The following FLYWCH1 variants were observed in gnomAD, a reference collection of about 807,000 sequenced individuals.
The protein encoded by FLYWCH1 is FLYWCH-type zinc finger-containing protein 1.
A neutral mutation model predicts 66.4 loss-of-function variants in FLYWCH1; 75 were observed. The observed-to-expected ratio is 1.13, with a 90% CI of 0.94 to 1.37. The LOEUF is 1.37. Among genes scored for constraint, FLYWCH1 ranks in the 40% most tolerant of loss-of-function variants. The pLI is 0.00. For missense variants in FLYWCH1, 1,334 were observed against 1,001.8 expected (o/e 1.33, Z -4.48); for synonymous variants, 595 against 429.9 (o/e 1.38, Z -4.75).
At chr16:2,931,901 C>G (rs2070773145) in intron 4 of FLYWCH1, among the ~76,000 whole-genome samples, 1 of 152,058 alleles carries the variant, frequency 6.6e-6, no homozygotes, top group African/African-American at 2.4e-5. Flanking sequence ...ATCACGAGGT[C>G]AGGAGATTGA....
intron 2 of FLYWCH1, among the ~76,000 whole-genome samples, chr16:2,927,641 T>C (rs780272258): frequency 5.9e-5 from 9 of 152,170 alleles, no homozygotes; most frequent in Non-Finnish European, 1.0e-4. Flanking sequence ...GTGGCCAAAT[T>C]GGTCGTCTAA....
Position 2,938,204 on chromosome 16 carries a change from T to G in FLYWCH1, c.1798T>G (p.Phe600Val), listed in dbSNP as rs767529401. ...DSPDPLRPLE[F>V]LRTSLGGRFL... is the part of the protein sequence containing the mutation. The stretch of plus-strand genomic sequence containing the variant: ...TTCAGATCCTCTCCGGCCCCTGGAG[T>G]TCCTGAGGACTTCCCTGGGGGGCAG... Residue 600 changes from phenylalanine to valine, a missense_variant, in exon 8 of 10, where the codon TTC becomes GTC. Transcript: ENST00000253928. The G allele has an allele frequency of 3.1e-6, 5 of 1,612,752 alleles. No individual in the cohort carries two copies.
intron 2 of FLYWCH1, among the ~76,000 whole-genome samples, chr16:2,919,726 T>C (rs2070302325): frequency 6.6e-6 from 1 of 152,224 alleles, no homozygotes; most frequent in South Asian, 2.1e-4. Flanking sequence ...TATAACATTT[T>C]GGAAATCCTC....
chr16:2,933,647 G>C, intron 5 of FLYWCH1, 65 bp downstream of exon 5: 1 of 1,564,760 alleles, frequency 6.4e-7, no homozygotes, highest in Non-Finnish European at 8.7e-7. Context: ...GGTCCAGGGA[G>C]GGAAGGGGGT....
Position 2,937,223 on chromosome 16 carries a change from C to G in FLYWCH1, c.1616C>G (p.Thr539Ser). 2 of 1,577,094 alleles carry G rather than the reference C, an allele frequency of 1.3e-6. No individual in the cohort carries two copies. Among genetic ancestry groups the G allele is most frequent in the East Asian group, 4.7e-5 (2 of 42,892 alleles). Residue 539 changes from threonine to serine, a missense_variant, in exon 7 of 10, where the codon ACC (threonine) becomes AGC (serine). Physicochemically the swap from Thr to Ser is moderately conservative, Grantham distance 58 (BLOSUM62 1). Transcript: ENST00000253928. ...GCGGCCGGGGAGAAGGTGTATTGGA[C>G]CTGCCGGGACCAGGCCCGCATGGGC... is the stretch of plus-strand genomic sequence containing the variant. ...EKAAGEKVYW[T>S]CRDQARMGCR...
intron 1 of FLYWCH1, among the ~76,000 whole-genome samples, chr16:2,912,391 C>G (rs934547043): frequency 6.6e-6 from 1 of 151,644 alleles, no homozygotes; most frequent in African/African-American, 2.4e-5. Context: ...GATCCCCGCA[C>G]TCGTCCGCCG....
In FLYWCH1 at chr16:2,933,316, G is replaced by T. The variant is rs370537064; in HGVS notation, c.983G>T (p.Gly328Val). The change falls in exon 5 of 10, where the codon GGG (glycine) becomes GTG (valine). Residue 328 changes from glycine (G) to valine (V), a missense_variant. Transcript: ENST00000253928. Reference protein sequence around the residue: ...TQGQRVTVMRGHCHQPDMEGL... With the variant: ...TQGQRVTVMRVHCHQPDMEGL... ...GGACAGCGGGTGACTGTGATGCGTG[G>T]GCACTGCCACCAGCCCGATATGGAG... The T allele has an allele frequency of 2.7e-5, 44 of 1,610,668 alleles. No individual in the cohort carries two copies. Among genetic ancestry groups the T allele is most frequent in the Non-Finnish European group, 3.3e-5 (39 of 1,178,958 alleles).
At chr16:2,925,444 A>G (rs2070524780) in intron 2 of FLYWCH1, among the ~76,000 whole-genome samples, 1 of 144,620 alleles carries the variant, frequency 6.9e-6, no homozygotes, top group African/African-American at 2.5e-5. Flanking sequence ...ACCCAGTGCC[A>G]TTCAGTCCCA....
rs115565894 is a variant in FLYWCH1 at position 2,920,285 on chromosome 16, A to C, written c.-74+5996A>C. 4.1e-3 allele frequency among the ~76,000 whole-genome samples: 626 copies of C among 152,138 alleles called. 5 individuals are homozygous for C. The highest frequency in any genetic ancestry group is 0.014 in the African/African-American group (601 of 41,536). On this transcript the variant is annotated intron_variant, in intron 2 of 9. Transcript: ENST00000253928. Reference sequence around the variant, plus strand: ...AATCCCAGCACTTTAGGAGGCAGGTAGGTAACTAGAGGCCAGGAGTTCGAG... The same window carrying C: ...AATCCCAGCACTTTAGGAGGCAGGTCGGTAACTAGAGGCCAGGAGTTCGAG...
At chr16:2,919,699 G>A (rs1302318763) in intron 2 of FLYWCH1, among the ~76,000 whole-genome samples, 2 of 152,104 alleles carry the variant, frequency 1.3e-5, no homozygotes, top group Non-Finnish European at 2.9e-5. Flanking sequence ...CCAGCTCGAA[G>A]TACTACTTTT....
rs1340738528 is a variant in FLYWCH1, at chr16:2,937,315, G to T, written c.1708G>T (p.Asp570Tyr). 1.2e-6 allele frequency: 2 copies of T among 1,602,440 alleles called. No homozygotes were observed. The highest frequency in any genetic ancestry group is 1.1e-5 in the South Asian group (1 of 90,096). ...CATGCGCAGGCACTGCCACCCACCG[G>T]ACCTGGGCGGCCTGGAGGCCCTGCG... ...MVMRRHCHPP[D>Y]LGGLEALRQR... The change falls in exon 7 of 10, where the codon GAC (aspartate) becomes TAC (tyrosine). Residue 570 changes from aspartate (D) to tyrosine (Y), a missense_variant. Transcript: ENST00000253928.
chr16:2,947,147 A>G (rs1453962498), intron 9 of FLYWCH1, among the ~76,000 whole-genome samples: 3 of 152,224 alleles, frequency 2.0e-5, no homozygotes, highest in East Asian at 1.9e-4. Context: ...ATTGTCCATA[A>G]AAAGGAACGA....
intron 9 of FLYWCH1, among the ~76,000 whole-genome samples, chr16:2,941,550 AG>A (rs1162202050): frequency 6.6e-6 from 1 of 151,904 alleles, no homozygotes; most frequent in African/African-American, 2.4e-5. Context: ...ACTGCACTCC[AG>A]CCTGGGAGAC....
intron 2 of FLYWCH1, among the ~76,000 whole-genome samples, chr16:2,925,651 A>G (rs2070540437): frequency 6.6e-6 from 1 of 151,672 alleles, no homozygotes; most frequent in Non-Finnish European, 1.5e-5. Flanking sequence ...GCGCCTGCGA[A>G]GTCAGCTGGG....
chr16:2,943,460 C>G (rs1214731828), intron 9 of FLYWCH1: 1 of 151,400 alleles, frequency 6.6e-6, no homozygotes, highest in Admixed American at 6.6e-5. Context: ...GTGCAGTCAC[C>G]AAGCCTAGTG....
At chr16:2,916,201 T>C (rs2070161536) in intron 2 of FLYWCH1, among the ~76,000 whole-genome samples, 1 of 152,132 alleles carries the variant, frequency 6.6e-6, no homozygotes, top group African/African-American at 2.4e-5. Flanking sequence ...AAAAGTTAGC[T>C]GGGCGTGTTG....
intron 7 of FLYWCH1, 106 bp from the exon 8 acceptor site, chr16:2,938,078 G>A (rs2071092225): frequency 2.7e-6 from 3 of 1,125,674 alleles, no homozygotes; most frequent in African/African-American, 1.6e-5. Flanking sequence ...GCGTGCTAGG[G>A]GATCGCAGAT....
At chr16:2,916,313 C>A (rs2070165218) in intron 2 of FLYWCH1, among the ~76,000 whole-genome samples, 1 of 152,158 alleles carries the variant, frequency 6.6e-6, no homozygotes, top group Non-Finnish European at 1.5e-5. Flanking sequence ...GTACTCCAGC[C>A]TGGGCAACAG....
chr16:2,940,106 T>C lies in FLYWCH1; in HGVS notation c.2111+14T>C. 1 of 1,148,286 alleles carries C rather than the reference T, an allele frequency of 8.7e-7. No homozygotes were observed. Among genetic ancestry groups the C allele is most frequent in the East Asian group, 2.3e-5 (1 of 42,754 alleles). 71.1% of individuals were successfully genotyped at this position (1,148,286 alleles called of 1,614,324 possible). On this transcript the variant is annotated intron_variant, in intron 9 of 9. Transcript: ENST00000253928. ...GCAGATTTATGGGTAATTGTATTTG[T>C]TATCTAATGGTGCATGACCAATTAC...
Sources: allele counts gnomAD v4.1 joint callset (sites outside exome capture counted in the v4.1 genomes callset), GRCh38; gene constraint gnomAD v4.1.1; transcripts MANE v1.5; gene names NCBI Gene and HGNC (gene_info 2026-07-23, HGNC 2026-07-21).